FER1L6: variants seen among roughly 807,000 people sequenced by gnomAD.
FER1L6 encodes fer-1-like protein 6.
Under a neutral mutation model 219.2 loss-of-function variants are expected in FER1L6, and 177 were observed. The ratio of observed to expected loss-of-function variants is 0.81; its 90% confidence interval spans 0.71 to 0.91. The LOEUF (loss-of-function observed/expected upper bound fraction) is 0.91. Ranked by LOEUF, FER1L6 falls within the 40% of genes least tolerant of loss-of-function variation. FER1L6 has a pLI of 0.00. For missense variants in FER1L6, 2,153 were observed against 2,259.9 expected, an observed-to-expected ratio of 0.95 and a Z score of 0.96; for synonymous variants, 768 against 824.3, an observed-to-expected ratio of 0.93 and a Z score of 1.17.
At chr8:124,052,210 G>C (rs183208430) in intron 22 of FER1L6, among the ~76,000 whole-genome samples, 1 of 152,124 alleles carries the variant, frequency 6.6e-6, no homozygotes, top group Admixed American at 6.5e-5. Flanking sequence ...GACTTTCAAC[G>C]AGTGATTTTA....
In FER1L6 at chr8:123,898,645, A is replaced by ATATATATATATATATGTATATATATACG. The variant is rs753339572; in HGVS notation, c.-8+46473_-8+46474insATGTATATATATACGTATATATATATAT. Among the ~76,000 whole-genome samples, 305 of 142,996 alleles carry ATATATATATATATATGTATATATATACG rather than the reference A, an allele frequency of 2.1e-3. 1 individual carries two copies. The highest frequency in any genetic ancestry group is 7.6e-3 in the African/African-American group (284 of 37,600). 93.8% of individuals were successfully genotyped at this position (142,996 alleles called of 152,430 possible). The stretch of plus-strand genomic sequence containing the variant: ...TTATGGCTGAGTAGTATTCCATTTT[A>ATATATATATATATATGTATATATATACG]TATATATATATATGTATATATATAC... On this transcript the variant is annotated intron_variant, in intron 1 of 40. Transcript: ENST00000522917.
At chr8:123,883,384 G>T (rs1278960355) in intron 1 of FER1L6, among the ~76,000 whole-genome samples, 1 of 152,196 alleles carries the variant, frequency 6.6e-6, no homozygotes, top group Non-Finnish European at 1.5e-5. Flanking sequence ...AGGAATCTAG[G>T]CATTAGTTAG....
chr8:123,860,259 C>T (rs1816724229), intron 1 of FER1L6, among the ~76,000 whole-genome samples: 1 of 95,866 alleles, frequency 1.0e-5, no homozygotes, highest in Non-Finnish European at 2.0e-5. Context: ...CGATAGTTTA[C>T]TGAGAATGAT....
At chr8:124,026,437 A>G (rs1005260012) in intron 18 of FER1L6, among the ~76,000 whole-genome samples, 2 of 152,148 alleles carry the variant, frequency 1.3e-5, no homozygotes, top group African/African-American at 4.8e-5. Flanking sequence ...TTAGCTGAGG[A>G]GATTTGACAG....
chr8:124,047,711 T>C (rs532440145), intron 21 of FER1L6: 8 of 152,230 alleles, frequency 5.3e-5, no homozygotes, highest in Admixed American at 3.9e-4. Flanking sequence ...GAAAAAGAAA[T>C]GTGGGAGAGA....
At chr8:123,915,036 C>CT (rs56930256) in intron 1 of FER1L6, among the ~76,000 whole-genome samples, 67,003 of 146,734 alleles carry the variant, frequency 0.46, 15,232 homozygotes, top group South Asian at 0.55. Flanking sequence ...GTATTACATG[C>CT]TTTTTTTTTT....
chr8:124,036,387 G>T (rs902526588), intron 19 of FER1L6: 4 of 152,202 alleles, frequency 2.6e-5, no homozygotes, highest in Non-Finnish European at 4.4e-5. Flanking sequence ...TTTGGAAAAT[G>T]CATAATACCA....
At chr8:123,971,108 G>A (rs528166450) in intron 6 of FER1L6, among the ~76,000 whole-genome samples, 6 of 152,284 alleles carry the variant, frequency 3.9e-5, no homozygotes, top group African/African-American at 7.2e-5. Flanking sequence ...GACAAAACTT[G>A]TTTTGAAGAT....
chr8:123,864,675 C>T (rs1180270985), intron 1 of FER1L6, among the ~76,000 whole-genome samples: 2 of 149,038 alleles, frequency 1.3e-5, no homozygotes, highest in Non-Finnish European at 2.9e-5. Flanking sequence ...AGGCTTTGCT[C>T]ATTTCTTTTT....
intron 7 of FER1L6, among the ~76,000 whole-genome samples, chr8:123,974,680 A>AAAAAAAAAAAAAAAAAAAAAAAC (rs1362934333): frequency 6.7e-6 from 1 of 148,490 alleles, no homozygotes; most frequent in Non-Finnish European, 1.5e-5. Flanking sequence ...AAAAAAAAAA[A>AAAAAAAAAAAAAAAAAAAAAAAC]AAGAAATGTG....
intron 1 of FER1L6, among the ~76,000 whole-genome samples, chr8:123,933,435 C>T (rs533820078): frequency 3.8e-4 from 57 of 151,888 alleles, no homozygotes; most frequent in South Asian, 1.0e-3. Context: ...AGCCTATAAG[C>T]TGCCAGACAC....
chr8:123,939,299 T>C (rs1814134616), intron 1 of FER1L6: 2 of 645,770 alleles, frequency 3.1e-6, no homozygotes, highest in Non-Finnish European at 3.8e-6. Context: ...GTCTAAGAAG[T>C]CCTAGGAGAC....
At chr8:123,885,776 G>A (rs1408242173) in intron 1 of FER1L6, among the ~76,000 whole-genome samples, 2 of 152,170 alleles carry the variant, frequency 1.3e-5, no homozygotes, top group Non-Finnish European at 2.9e-5. Context: ...GGTTCTGGCA[G>A]TGGCCCATGT....
At chr8:123,880,445 G>T (rs944986961) in intron 1 of FER1L6, among the ~76,000 whole-genome samples, 1 of 152,182 alleles carries the variant, frequency 6.6e-6, no homozygotes, top group Non-Finnish European at 1.5e-5. Context: ...CTTTAGGCGG[G>T]ACAAGCAGTG....
At chr8:124,091,715 C>A in intron 34 of FER1L6, 132 bp downstream of exon 34, 1 of 934,350 alleles carries the variant, frequency 1.1e-6, no homozygotes. Flanking sequence ...GTCTGTAATC[C>A]CAGCACTATG....
chr8:124,004,815 A>T (rs1285488435), intron 13 of FER1L6, among the ~76,000 whole-genome samples: 1 of 151,868 alleles, frequency 6.6e-6, no homozygotes. Context: ...TGTCCAACAT[A>T]ATGAAACTCT....
intron 33 of FER1L6, among the ~76,000 whole-genome samples, chr8:124,089,913 A>T: frequency 9.8e-6 from 1 of 101,810 alleles, no homozygotes; most frequent in African/African-American, 2.6e-5. Context: ...TGTAGAATTC[A>T]ATCATAGGCA....
At chr8:124,028,588 A>G (rs571528087) in intron 18 of FER1L6, among the ~76,000 whole-genome samples, 1 of 152,256 alleles carries the variant, frequency 6.6e-6, no homozygotes, top group African/African-American at 2.4e-5. Flanking sequence ...TCTCTAAGCT[A>G]AAGTTTCCTC....
In FER1L6 at chr8:124,064,365, C is replaced by T. The variant is rs1269327883; in HGVS notation, c.3347C>T (p.Thr1116Ile). 5 of 1,612,806 alleles carry T rather than the reference C, an allele frequency of 3.1e-6. No homozygotes were observed. Among genetic ancestry groups the T allele is most frequent in the Non-Finnish European group, 4.2e-6 (5 of 1,179,576 alleles). The change falls in exon 26 of 41, where the codon ACA becomes ATA. Residue 1116 changes from threonine to isoleucine, a missense_variant. Thr to Ile is a moderately conservative substitution (Grantham distance 89). Transcript: ENST00000522917. Reference protein sequence around the residue: ...QPGHDISDSLTATESSGAHSS... With the variant: ...QPGHDISDSLIATESSGAHSS... Reference sequence around the variant, plus strand: ...ATTTCAGATATTTCAGATTCGCTAACAGCCACTGAGTCCTCTGGAGCCCAC... The same window carrying T: ...ATTTCAGATATTTCAGATTCGCTAATAGCCACTGAGTCCTCTGGAGCCCAC...
Sources: allele counts gnomAD v4.1 joint callset (sites outside exome capture counted in the v4.1 genomes callset), GRCh38; gene constraint gnomAD v4.1.1; transcripts MANE v1.5; gene names NCBI Gene and HGNC (gene_info 2026-07-23, HGNC 2026-07-21).